RBMS3: variants seen among roughly 807,000 people sequenced by gnomAD.
RBMS3 encodes RNA binding motif single stranded interacting protein 3, also known as RNA-binding motif, single-stranded-interacting protein 3.
A neutral mutation model predicts 66.8 loss-of-function variants in RBMS3; 27 were observed. That is an observed-to-expected ratio of 0.40 (90% CI 0.30 to 0.56). The LOEUF (loss-of-function observed/expected upper bound fraction) is 0.56. RBMS3 is among the 20% of genes least tolerant of loss of function. The pLI is 0.40. For synonymous variants in RBMS3, 188 were observed against 183.0 expected (o/e 1.03, Z -0.22); for missense variants, 513 against 549.5 (o/e 0.93, Z 0.66).
At chr3:29,438,573 A>C (rs575421953) in intron 2 of RBMS3, among the ~76,000 whole-genome samples, 1 of 152,340 alleles carries the variant, frequency 6.6e-6, no homozygotes, top group South Asian at 2.1e-4. Flanking sequence ...AAAGAAGATA[A>C]GACTGAAGAA....
chr3:29,882,983 T>C (rs1012597078), intron 7 of RBMS3, among the ~76,000 whole-genome samples: 8 of 152,090 alleles, frequency 5.3e-5, no homozygotes, highest in Non-Finnish European at 8.8e-5. Flanking sequence ...CCAATTGTTA[T>C]ATTTTAAGTA....
intron 10 of RBMS3, among the ~76,000 whole-genome samples, chr3:29,904,547 G>A (rs2060329915): frequency 6.6e-6 from 1 of 151,918 alleles, no homozygotes; most frequent in Non-Finnish European, 1.5e-5. Context: ...GCACCAAAAG[G>A]TGTACTTTCT....
chr3:29,599,181 A>G (rs2048063454), intron 4 of RBMS3, among the ~76,000 whole-genome samples: 1 of 150,874 alleles, frequency 6.6e-6, no homozygotes, highest in African/African-American at 2.4e-5. Context: ...TAAAGCTACT[A>G]TTTGATAACA....
At chr3:29,700,496 G>T (rs1462045969) in intron 4 of RBMS3, among the ~76,000 whole-genome samples, 1 of 152,100 alleles carries the variant, frequency 6.6e-6, no homozygotes, top group Non-Finnish European at 1.5e-5. Flanking sequence ...CAAATACTCA[G>T]CTGGCTGGCT....
chr3:29,404,841 A>G (rs752377341), intron 1 of RBMS3, among the ~76,000 whole-genome samples: 5 of 152,156 alleles, frequency 3.3e-5, no homozygotes, highest in Non-Finnish European at 5.9e-5. Context: ...CTCTGGTGAA[A>G]AAGTACATAC....
intron 1 of RBMS3, among the ~76,000 whole-genome samples, chr3:29,396,774 C>CA (rs1575704925): frequency 6.6e-6 from 1 of 151,844 alleles, no homozygotes; most frequent in Non-Finnish European, 1.5e-5. Context: ...AATCATTTCC[C>CA]AAAAAAATAC....
intron 1 of RBMS3, among the ~76,000 whole-genome samples, chr3:29,325,302 T>A (rs1449969505): frequency 6.6e-6 from 1 of 152,130 alleles, no homozygotes; most frequent in Non-Finnish European, 1.5e-5. Flanking sequence ...AAAAAATTTG[T>A]GTAGGAAACT....
chr3:29,821,639 A>G (rs2149475482), intron 6 of RBMS3, among the ~76,000 whole-genome samples: 1 of 152,312 alleles, frequency 6.6e-6, no homozygotes, highest in Non-Finnish European at 1.5e-5. Flanking sequence ...AAGCCAGAAT[A>G]TTGGAATGGT....
rs183365896 is a variant in RBMS3, at chr3:29,833,499, G to A, written c.638-35359G>A. Among the ~76,000 whole-genome samples the A allele has an allele frequency of 3.0e-3, 451 of 152,138 alleles. 6 individuals are homozygous for A. Among genetic ancestry groups the A allele is most frequent in the African/African-American group, 9.5e-3 (395 of 41,530 alleles). On this transcript the variant is annotated intron_variant, in intron 6 of 14. Transcript: ENST00000383767. Reference sequence around the variant, plus strand: ...CAATAAAGATTTAGAAATTATGAGCGAAACCAACAGAAATTCTGGAGCTGA... The same window carrying A: ...CAATAAAGATTTAGAAATTATGAGCAAAACCAACAGAAATTCTGGAGCTGA...
intron 1 of RBMS3, among the ~76,000 whole-genome samples, chr3:29,306,760 T>C (rs914244696): frequency 6.6e-6 from 1 of 151,946 alleles, no homozygotes; most frequent in Non-Finnish European, 1.5e-5. Flanking sequence ...GCTGAGGCTC[T>C]ATCTGCTTGA....
At chr3:29,713,202 AT>A (rs1219548293) in intron 4 of RBMS3, among the ~76,000 whole-genome samples, 4 of 151,644 alleles carry the variant, frequency 2.6e-5, no homozygotes, top group Admixed American at 6.6e-5. Context: ...ATTTCTCTTC[AT>A]TTCCCCCCCA....
At chr3:29,948,294 C>G (rs1169100954) in intron 12 of RBMS3, among the ~76,000 whole-genome samples, 1 of 151,750 alleles carries the variant, frequency 6.6e-6, no homozygotes, top group Non-Finnish European at 1.5e-5. Context: ...TGCACTTTCT[C>G]ACATTGTTTT....
At chr3:29,344,051 C>G (rs1204166267) in intron 1 of RBMS3, among the ~76,000 whole-genome samples, 1 of 152,200 alleles carries the variant, frequency 6.6e-6, no homozygotes, top group Non-Finnish European at 1.5e-5. Context: ...ACTTAGATCT[C>G]TTTCCTAAGT....
intron 1 of RBMS3, among the ~76,000 whole-genome samples, chr3:29,359,856 G>A (rs970262668): frequency 3.9e-5 from 6 of 152,202 alleles, no homozygotes; most frequent in Admixed American, 6.5e-5. Flanking sequence ...AGTATTCTCT[G>A]ATGGTAGTTT....
chr3:29,990,326 A>ATTTATCAGGATAGGTGCTCTTCT (rs1698756927), intron 13 of RBMS3, among the ~76,000 whole-genome samples: 1 of 144,640 alleles, frequency 6.9e-6, no homozygotes, highest in Non-Finnish European at 1.5e-5. Context: ...AACCAGGAAA[A>ATTTATCAGGATAGGTGCTCTTCT]TTTATCAGGA....
rs1198259231 is a variant in RBMS3, at chr3:29,762,972, C to T, written c.620C>T (p.Thr207Ile). 3 of 1,605,596 alleles carry T rather than the reference C, an allele frequency of 1.9e-6. No homozygotes were observed. The highest frequency in any genetic ancestry group is 2.2e-5 in the East Asian group (1 of 44,760). ...IQHFNGKYLKTPPGIPAPSEP... is the reference protein window; with the variant it reads ...IQHFNGKYLKIPPGIPAPSEP... ...CATTTTAATGGAAAATATCTGAAAA[C>T]ACCACCAGGCATCCCAGGTAAGAAA... Residue 207 changes from threonine to isoleucine, a missense_variant, in exon 6 of 15, where the codon ACA (threonine) becomes ATA (isoleucine). Physicochemically the swap from Thr to Ile is moderately conservative, Grantham distance 89. Transcript: ENST00000383767.
intron 1 of RBMS3, 70 bp downstream of exon 1, chr3:29,281,826 C>A: frequency 1.5e-6 from 2 of 1,336,576 alleles, no homozygotes; most frequent in Admixed American, 1.9e-5. Flanking sequence ...AACAGACAGG[C>A]GTGTGAATTA....
intron 1 of RBMS3, among the ~76,000 whole-genome samples, chr3:29,341,023 AC>A (rs2036251450): frequency 6.6e-6 from 1 of 152,062 alleles, no homozygotes; most frequent in Admixed American, 6.6e-5. Context: ...TAAGCGCCAT[AC>A]CACTCTTGCA....
At chr3:29,773,120 A>C (rs931591106) in intron 6 of RBMS3, among the ~76,000 whole-genome samples, 1 of 152,010 alleles carries the variant, frequency 6.6e-6, no homozygotes, top group African/African-American at 2.4e-5. Flanking sequence ...CTAGAAAAAC[A>C]GAATGGAGCT....
Sources: allele counts gnomAD v4.1 joint callset (sites outside exome capture counted in the v4.1 genomes callset), GRCh38; gene constraint gnomAD v4.1.1; transcripts MANE v1.5; gene names NCBI Gene and HGNC (gene_info 2026-07-23, HGNC 2026-07-21).